ASF1B: variants seen among roughly 807,000 people sequenced by gnomAD.
ASF1B encodes the protein histone chaperone ASF1B.
Under a neutral mutation model 16.6 loss-of-function variants are expected in ASF1B, and 10 were observed. The observed-to-expected ratio is 0.60, with a 90% CI of 0.37 to 1.02. ASF1B has a LOEUF of 1.02. Among genes scored for constraint, ASF1B ranks in the 50% least tolerant of loss-of-function variants. The pLI is 0.01. For missense variants in ASF1B, 240 were observed against 266.0 expected, an observed-to-expected ratio of 0.90 and a Z score of 0.68; for synonymous variants, 101 against 106.2, an observed-to-expected ratio of 0.95 and a Z score of 0.30.
intron 1 of ASF1B, among the ~76,000 whole-genome samples, chr19:14,129,676 G>A (rs150602013): frequency 0.19 from 8,022 of 43,034 alleles, 286 homozygotes; most frequent in Middle Eastern, 0.39. Context: ...GCCAGCCTCC[G>A]TCAAAAAAAA....
rs1008847845 is a variant in ASF1B, at chr19:14,136,553, G to A, written c.-97C>T. 8 of 922,236 alleles carry A rather than the reference G, an allele frequency of 8.7e-6. No homozygotes were observed. The highest frequency in any genetic ancestry group is 5.3e-4 in the Middle Eastern group (2 of 3,772). 57.1% of individuals were successfully genotyped at this position (922,236 alleles called of 1,614,324 possible). A position where few individuals can be genotyped will look rare whatever the true frequency, so the allele number is the denominator to read the frequency against. On this transcript the variant is annotated 5_prime_UTR_variant, in exon 1 of 4. Transcript: ENST00000263382. ...GGGTCAGTGGGGTAGGGCTGACCAG[G>A]TCCACTCCCGCCTCTTCTCTCCGAG...
chr19:14,133,486 G>A (rs1466883731), intron 1 of ASF1B, among the ~76,000 whole-genome samples: 1 of 151,936 alleles, frequency 6.6e-6, no homozygotes, highest in East Asian at 2.0e-4. Context: ...TGGCCAAGAT[G>A]GTGAAACCCC....
chr19:14,136,544 G>T lies in ASF1B; in HGVS notation c.-88C>A. ...GGTCCGGTGGGGTCAGTGGGGTAGG[G>T]CTGACCAGGTCCACTCCCGCCTCTT... On this transcript the variant is annotated 5_prime_UTR_variant, in exon 1 of 4. Transcript: ENST00000263382. 1.8e-6 allele frequency: 2 copies of T among 1,098,018 alleles called. No homozygotes were observed. The highest frequency in any genetic ancestry group is 1.3e-6 in the Non-Finnish European group (1 of 758,402). The allele number at this position is 1,098,018 out of a possible 1,614,324, so 68.0% of individuals were successfully genotyped here.
Position 14,126,106 on chromosome 19 carries a change from G to C in ASF1B, c.225+16C>G, listed in dbSNP as rs57092832. On this transcript the variant is annotated intron_variant, in intron 2 of 3. Transcript: ENST00000263382. Reference sequence around the variant, plus strand: ...TAGGAATCAAGGGCTAAGGCCTAAGGCCTCATCTTTCTTACCTGAAAGACA... The same window carrying C: ...TAGGAATCAAGGGCTAAGGCCTAAGCCCTCATCTTTCTTACCTGAAAGACA... 3.6e-3 allele frequency: 5,656 copies of C among 1,560,574 alleles called. 167 individuals carry two copies. The African/African-American group carries it at 0.07, about 19-fold the overall frequency.
intron 1 of ASF1B, among the ~76,000 whole-genome samples, chr19:14,127,965 A>C (rs1967343939): frequency 6.6e-6 from 1 of 152,102 alleles, no homozygotes; most frequent in Non-Finnish European, 1.5e-5. Context: ...CACCCCATCC[A>C]GCAGGAGGGC....
chr19:14,126,545 C>T (rs1967321247), intron 1 of ASF1B, among the ~76,000 whole-genome samples: 1 of 152,078 alleles, frequency 6.6e-6, no homozygotes, highest in South Asian at 2.1e-4. Flanking sequence ...GATCTTGGCT[C>T]ACTGCAATCT....
chr19:14,132,601 C>T (rs1240755083), intron 1 of ASF1B, among the ~76,000 whole-genome samples: 1 of 152,176 alleles, frequency 6.6e-6, no homozygotes, highest in Non-Finnish European at 1.5e-5. Flanking sequence ...GGGCATATCA[C>T]TTGCGATCAG....
At chr19:14,130,086 T>A (rs1244010306) in intron 1 of ASF1B, among the ~76,000 whole-genome samples, 1 of 151,320 alleles carries the variant, frequency 6.6e-6, no homozygotes, top group East Asian at 2.0e-4. Flanking sequence ...TGACATGGAG[T>A]CTCACTCTGT....
intron 1 of ASF1B, among the ~76,000 whole-genome samples, chr19:14,133,290 G>T (rs1237260669): frequency 1.3e-5 from 2 of 152,148 alleles, no homozygotes; most frequent in African/African-American, 4.8e-5. Flanking sequence ...CAAAGATAAA[G>T]AATTTAGATT....
At chr19:14,135,221 C>CAAA (rs34683519) in intron 1 of ASF1B, among the ~76,000 whole-genome samples, 46 of 54,640 alleles carry the variant, frequency 8.4e-4, no homozygotes, top group African/African-American at 2.7e-3. Flanking sequence ...GAGACTGTCT[C>CAAA]AAAAAAAAAA....
chr19:14,129,254 GA>G (rs369841966), intron 1 of ASF1B, among the ~76,000 whole-genome samples: 1 of 150,914 alleles, frequency 6.6e-6, no homozygotes, highest in Admixed American at 6.6e-5. Context: ...TATCTCAAAG[GA>G]AAAAAAAGAA....
intron 2 of ASF1B, among the ~76,000 whole-genome samples, chr19:14,122,859 CAGG>C (rs1373539010): frequency 3.3e-5 from 5 of 152,086 alleles, no homozygotes; most frequent in African/African-American, 1.2e-4. Context: ...AGAGAGTAAG[CAGG>C]AGGTTAAGTG....
chr19:14,133,796 CATTTTTTT>C (rs1489183606), intron 1 of ASF1B, among the ~76,000 whole-genome samples: 19 of 139,032 alleles, frequency 1.4e-4, no homozygotes, highest in African/African-American at 5.1e-4. Context: ...ACCGCACAAC[CATTTTTTT>C]TTTTTTTTTT....
intron 1 of ASF1B, among the ~76,000 whole-genome samples, chr19:14,130,149 C>T (rs552270086): frequency 1.3e-5 from 2 of 151,776 alleles, no homozygotes; most frequent in Non-Finnish European, 2.9e-5. Context: ...AGCTCCGCCT[C>T]CCGGGTTCAT....
intron 2 of ASF1B, 26 bp from the exon 3 acceptor site, chr19:14,121,734 A>G: frequency 4.4e-6 from 7 of 1,593,456 alleles, no homozygotes; most frequent in Admixed American, 1.7e-5. Flanking sequence ...CCTAGGCCTT[A>G]GCAGTGCCAC....
intron 1 of ASF1B, among the ~76,000 whole-genome samples, chr19:14,133,905 G>A (rs1366648433): frequency 4.3e-5 from 6 of 141,034 alleles, no homozygotes; most frequent in South Asian, 2.4e-4. Flanking sequence ...CCGGGTTCAC[G>A]CCATTCTCCT....
chr19:14,120,710 C>T lies in ASF1B; in HGVS notation c.403-45G>A. The T allele has an allele frequency of 3.8e-6, 6 of 1,593,334 alleles. No homozygotes were observed. The South Asian group carries it at 6.7e-5, about 18-fold the overall frequency. On this transcript the variant is annotated intron_variant, in intron 3 of 3. Coordinates refer to ENST00000263382, the MANE Select transcript of ASF1B (RefSeq NM_018154.3). ...GTCAACCCTTGTAGGTACGCCCTCT[C>T]CTTGGTCCCATAGAGCCAGGACACC... is the stretch of plus-strand genomic sequence containing the variant.
At chr19:14,131,670 G>A (rs1967407858) in intron 1 of ASF1B, among the ~76,000 whole-genome samples, 1 of 151,768 alleles carries the variant, frequency 6.6e-6, no homozygotes, top group South Asian at 2.1e-4. Flanking sequence ...TTTTAGTAGA[G>A]ACGGGGTTTC....
In ASF1B at chr19:14,126,901, C is replaced by T. The variant is rs148675798; in HGVS notation, c.110-664G>A. Among the ~76,000 whole-genome samples the T allele has an allele frequency of 3.9e-3, 594 of 152,236 alleles. 3 individuals are homozygous for T. The highest frequency in any genetic ancestry group is 3.7e-3 in the Non-Finnish European group (254 of 68,014). Reference sequence around the variant, plus strand: ...GGATTACAGGTGTGAGCCACTGCGCCCGGCCACATCTTCTATTTTATTTTT... The same window carrying T: ...GGATTACAGGTGTGAGCCACTGCGCTCGGCCACATCTTCTATTTTATTTTT... On this transcript the variant is annotated intron_variant, in intron 1 of 3. Transcript: ENST00000263382.
Sources: allele counts gnomAD v4.1 joint callset (sites outside exome capture counted in the v4.1 genomes callset), GRCh38; gene constraint gnomAD v4.1.1; transcripts MANE v1.5; gene names NCBI Gene and HGNC (gene_info 2026-07-23, HGNC 2026-07-21).